The following NCAPD2 variants were observed in gnomAD, a reference collection of about 807,000 sequenced individuals.
The protein encoded by NCAPD2 is condensin complex subunit 1.
A neutral mutation model predicts 164.5 loss-of-function variants in NCAPD2; 100 were observed. That is an observed-to-expected ratio of 0.61 (90% CI 0.52 to 0.72). The LOEUF is 0.72. Ranked by LOEUF, NCAPD2 falls within the 30% of genes least tolerant of loss-of-function variation. The pLI is 0.00. For synonymous variants in NCAPD2, 585 were observed against 642.6 expected (o/e 0.91, Z 1.36); for missense variants, 1,560 against 1,749.2 (o/e 0.89, Z 1.93).
chr12:6,529,585 C>T lies in NCAPD2; in HGVS notation c.3645C>T (p.Arg1215=). ...SLVEKLCQRF[R]TSRTERQQRD... ...TGGAAAAGCTGTGTCAGCGGTTCCG[C>T]ACATCCCGGTATGCTGCCCTCCCTG... The change falls in exon 28 of 32, where the codon CGC becomes CGT. Residue 1215 remains arginine, a synonymous_variant. Transcript: ENST00000315579. 6.2e-7 allele frequency: 1 copy of T among 1,614,222 alleles called. No individual in the cohort carries two copies. The highest frequency in any genetic ancestry group is 1.1e-5 in the South Asian group (1 of 91,088).
In NCAPD2 at chr12:6,528,191, C is replaced by G. The variant is rs746448001; in HGVS notation, c.3162C>G (p.Ser1054=). 7.4e-6 allele frequency: 12 copies of G among 1,614,074 alleles called. No homozygotes were observed. The African/African-American group carries it at 1.6e-4, about 22-fold the overall frequency. The change falls in exon 25 of 32, where the codon TCC becomes TCG. Residue 1054 remains serine (S), a synonymous_variant. Coordinates refer to ENST00000315579, the MANE Select transcript of NCAPD2 (RefSeq NM_014865.4). This position sits in a 1 kb window ranked among gnomAD's most constrained non-coding sequence, Gnocchi z 5.1. ...CTCTTAGTGCCACTTTCTGCGACTC[C>G]CAGCTTCGTCTTCTGTTCACCATGC... ...FCMISATFCD[S]QLRLLFTMLE...
intron 29 of NCAPD2, 89 bp downstream of exon 29, chr12:6,530,047 C>A: frequency 7.1e-7 from 1 of 1,417,252 alleles, no homozygotes; most frequent in Non-Finnish European, 9.6e-7. Context: ...CTCTTGCAGT[C>A]ACCTTCCCGT....
At chr12:6,508,186 G>A (rs540615781) in intron 2 of NCAPD2, among the ~76,000 whole-genome samples, 2 of 152,162 alleles carry the variant, frequency 1.3e-5, no homozygotes, top group South Asian at 2.1e-4. Flanking sequence ...GCCAGGCGTT[G>A]TGGCACGCAC....
At chr12:6,511,047 T>C (rs1443716211) in intron 5 of NCAPD2, 63 bp from the exon 6 acceptor site, 19 of 1,558,856 alleles carry the variant, frequency 1.2e-5, no homozygotes, top group Non-Finnish European at 1.7e-5. Flanking sequence ...GCACTCAGAC[T>C]GACAGATCTT....
Position 6,517,975 on chromosome 12 carries a change from G to A in NCAPD2, c.1589+16G>A, listed in dbSNP as rs1272243490. On this transcript the variant is annotated intron_variant, in intron 13 of 31. Transcript: ENST00000315579. ...CTAGTTACAAGTAGGCAAAAGAATG[G>A]GATATTCTTCGTGATCTGTTTATGT... 5.6e-6 allele frequency: 9 copies of A among 1,609,728 alleles called. No homozygotes were observed. Among genetic ancestry groups the A allele is most frequent in the Non-Finnish European group, 7.6e-6 (9 of 1,177,494 alleles).
At chr12:6,505,970 T>G (rs938308646) in intron 2 of NCAPD2, among the ~76,000 whole-genome samples, 12 of 148,768 alleles carry the variant, frequency 8.1e-5, no homozygotes, top group Non-Finnish European at 1.8e-4. Context: ...TTTTTTGGTG[T>G]TTTTTTTTTA....
chr12:6,523,141 GT>G, intron 16 of NCAPD2, 120 bp from the exon 17 acceptor site: 1 of 1,430,710 alleles, frequency 7.0e-7, no homozygotes. Flanking sequence ...GGGGCTTAGG[GT>G]GGGGCTCGGT....
intron 10 of NCAPD2, 62 bp from the exon 11 acceptor site, chr12:6,517,303 C>T: frequency 3.8e-6 from 6 of 1,584,590 alleles, no homozygotes; most frequent in Non-Finnish European, 5.1e-6. Context: ...ACTTAAAGAT[C>T]ATCTTGAACA....
chr12:6,524,787 G>C (rs1226300119), intron 17 of NCAPD2, among the ~76,000 whole-genome samples: 1 of 152,156 alleles, frequency 6.6e-6, no homozygotes, highest in Non-Finnish European at 1.5e-5. Context: ...GCATTTTAGT[G>C]AGACATTCTG....
Position 6,523,286 on chromosome 12 carries a change from G to A in NCAPD2, c.2154G>A (p.Gln718=), listed in dbSNP as rs1232248150. ...SARAKAQALI[Q]NLSLLLVDAS... ...GAGCCAAGGCCCAGGCTTTGATTCAGAATCTCTCTCTGCTGCTAGTGGATG... is the reference window on the plus strand; with the variant it reads ...GAGCCAAGGCCCAGGCTTTGATTCAAAATCTCTCTCTGCTGCTAGTGGATG... The change falls in exon 17 of 32, where the codon CAG becomes CAA. Residue 718 remains glutamine (Q), a synonymous_variant. Coordinates refer to ENST00000315579, the MANE Select transcript of NCAPD2 (RefSeq NM_014865.4). The A allele has an allele frequency of 6.2e-7, 1 of 1,614,114 alleles. No individual in the cohort carries two copies. The highest frequency in any genetic ancestry group is 2.2e-5 in the East Asian group (1 of 44,886).
At position 6,521,977 on chromosome 12, in the gene NCAPD2, C is replaced by T. The variant is rs778450010; in HGVS notation, c.1894C>T (p.Arg632Trp). ...QYLQDAYSFS[R>W]KITEAIGIIS... ...TCTGCAGGATGCCTACAGCTTCTCC[C>T]GGAAGATTACAGAGGCCATTGGCAT... is the stretch of plus-strand genomic sequence containing the variant. The change falls in exon 15 of 32, where the codon CGG becomes TGG. Residue 632 changes from arginine to tryptophan, a missense_variant. Coordinates refer to ENST00000315579, the MANE Select transcript of NCAPD2 (RefSeq NM_014865.4). The T allele has an allele frequency of 2.0e-5, 32 of 1,613,894 alleles. No individual in the cohort carries two copies. Among genetic ancestry groups the T allele is most frequent in the South Asian group, 6.6e-5 (6 of 91,064 alleles).
At chr12:6,508,397 G>A (rs1361224951) in intron 2 of NCAPD2, among the ~76,000 whole-genome samples, 1 of 152,160 alleles carries the variant, frequency 6.6e-6, no homozygotes, top group Non-Finnish European at 1.5e-5. Context: ...GGAGATCGCA[G>A]AGACCAAGTA....
chr12:6,527,753 G>T (rs372412729), intron 22 of NCAPD2, 24 bp from the exon 23 acceptor site: 3 of 1,590,566 alleles, frequency 1.9e-6, no homozygotes, highest in African/African-American at 2.7e-5. Context: ...GCTTATCCAT[G>T]ATCCCCAATT....
At chr12:6,521,753 G>T (rs1329113568) in intron 14 of NCAPD2, 45 bp from the exon 15 acceptor site, 4 of 1,601,246 alleles carry the variant, frequency 2.5e-6, no homozygotes, top group Non-Finnish European at 2.6e-6. Flanking sequence ...GGATTCCCCT[G>T]TATCCCCTTG....
At position 6,526,627 on chromosome 12, in the gene NCAPD2, G is replaced by A. The variant is rs1244928780; in HGVS notation, c.2734+12G>A. On this transcript the variant is annotated intron_variant, in intron 21 of 31. Transcript: ENST00000315579. ...TCAGGAGGACCCGAGTAAGTGGGCAGGGGTTGACCCACTGCGGCAGCCAGC... is the reference window on the plus strand; with the variant it reads ...TCAGGAGGACCCGAGTAAGTGGGCAAGGGTTGACCCACTGCGGCAGCCAGC... 8 of 1,610,730 alleles carry A rather than the reference G, an allele frequency of 5.0e-6. No homozygotes were observed. In the African/African-American group the frequency reaches 8.0e-5, roughly 16 times the overall value.
chr12:6,514,154 T>A, intron 6 of NCAPD2, 111 bp from the exon 7 acceptor site: 1 of 1,439,210 alleles, frequency 6.9e-7, no homozygotes, highest in Non-Finnish European at 9.6e-7. Flanking sequence ...ATGGCTAGAA[T>A]AAAGAAAACC....
At chr12:6,506,677 A>G (rs1035226081) in intron 2 of NCAPD2, among the ~76,000 whole-genome samples, 1 of 152,104 alleles carries the variant, frequency 6.6e-6, no homozygotes. Context: ...TTCATGACAT[A>G]TGTAGCTTTA....
intron 2 of NCAPD2, among the ~76,000 whole-genome samples, chr12:6,503,195 A>G (rs891682936): frequency 3.3e-5 from 5 of 152,058 alleles, no homozygotes; most frequent in Non-Finnish European, 7.4e-5. Context: ...GCTAAATTTT[A>G]AAAAGCATGA....
chr12:6,523,122 C>G, intron 16 of NCAPD2, 120 bp downstream of exon 16: 2 of 1,443,946 alleles, frequency 1.4e-6, no homozygotes, highest in Non-Finnish European at 1.9e-6. Flanking sequence ...ATAGGCAGTC[C>G]ATCATAGTGG....
Sources: allele counts gnomAD v4.1 joint callset (sites outside exome capture counted in the v4.1 genomes callset), GRCh38; gene constraint gnomAD v4.1.1; non-coding constraint Gnocchi (gnomAD v3.1); transcripts MANE v1.5; gene names NCBI Gene and HGNC (gene_info 2026-07-23, HGNC 2026-07-21).